DNAI2: variants seen among roughly 807,000 people sequenced by gnomAD.
DNAI2 encodes the protein dynein axonemal intermediate chain 2.
In DNAI2, 63 loss-of-function variants were observed where a neutral mutation model predicts 74.7. The ratio of observed to expected loss-of-function variants is 0.84; its 90% CI spans 0.69 to 1.04. DNAI2 has a LOEUF of 1.04. Among genes scored for constraint, DNAI2 ranks in the 50% least tolerant of loss-of-function variants. DNAI2 has a pLI of 0.00. For synonymous variants in DNAI2, 289 were observed against 314.9 expected, an observed-to-expected ratio of 0.92 and a Z score of 0.87; for missense variants, 688 against 803.2, an observed-to-expected ratio of 0.86 and a Z score of 1.73.
chr17:74,282,014 C>T lies in DNAI2; in HGVS notation c.183+14C>T, dbSNP rs1278958838. Reference sequence around the variant, plus strand: ...TCGGAACACGAGGTGGGTCCCTGCCCCAAGGGCCCTGGCCTGTCAGGTGTG... The same window carrying T: ...TCGGAACACGAGGTGGGTCCCTGCCTCAAGGGCCCTGGCCTGTCAGGTGTG... On this transcript the variant is annotated intron_variant, in intron 2 of 13. Coordinates refer to ENST00000311014, the MANE Select transcript of DNAI2 (RefSeq NM_023036.6). 3.7e-6 allele frequency: 6 copies of T among 1,613,562 alleles called. No individual in the cohort carries two copies. The African/African-American group carries it at 6.7e-5, about 18-fold the overall frequency.
intron 6 of DNAI2, among the ~76,000 whole-genome samples, chr17:74,291,843 G>T (rs1466102040): frequency 6.6e-6 from 1 of 151,350 alleles, no homozygotes; most frequent in Admixed American, 6.6e-5. Flanking sequence ...TTCCCTTCTG[G>T]AAGTTTGTGA....
chr17:74,279,997 T>C lies in DNAI2; in HGVS notation c.-11-1810T>C, dbSNP rs189489092. 2.0e-5 allele frequency among the ~76,000 whole-genome samples: 3 copies of C among 152,284 alleles called. No homozygotes were observed. The East Asian group carries it at 5.8e-4, about 29-fold the overall frequency. ...ATCCTCAATCTGAGCCCCTGGAAAC[T>C]TGCTATCAAAGGCACAATTTCTGAA... On this transcript the variant is annotated intron_variant, in intron 1 of 13. Coordinates refer to ENST00000311014, the MANE Select transcript of DNAI2 (RefSeq NM_023036.6).
At chr17:74,314,346 G>T (rs1265855118) in intron 13 of DNAI2, 75 bp downstream of exon 13, 6 of 1,557,520 alleles carry the variant, frequency 3.9e-6, no homozygotes, top group African/African-American at 1.4e-5. Context: ...TGGGAGCATC[G>T]GGCCCTGACT....
chr17:74,288,697 T>C (rs1292621054), intron 4 of DNAI2, among the ~76,000 whole-genome samples: 2 of 151,976 alleles, frequency 1.3e-5, no homozygotes, highest in Non-Finnish European at 2.9e-5. Context: ...GGGAGAAGCC[T>C]GGGGAAGAAG....
At chr17:74,289,384 A>G (rs1374308712) in intron 4 of DNAI2, among the ~76,000 whole-genome samples, 1 of 152,068 alleles carries the variant, frequency 6.6e-6, no homozygotes, top group East Asian at 1.9e-4. Context: ...AAAATTAGCC[A>G]GGCGTGGTGG....
intron 7 of DNAI2, 74 bp downstream of exon 7, chr17:74,299,931 C>A (rs2052664904): frequency 1.9e-6 from 3 of 1,593,408 alleles, no homozygotes; most frequent in Non-Finnish European, 1.7e-6. Context: ...CCCATCAGAA[C>A]CCCTGGGGAC....
Position 74,300,644 on chromosome 17 carries a change from C to T in DNAI2, c.865-402C>T, listed in dbSNP as rs2144032204. 6.6e-6 allele frequency among the ~76,000 whole-genome samples: 1 copy of T among 152,324 alleles called. No individual in the cohort carries two copies. Among genetic ancestry groups the T allele is most frequent in the African/African-American group, 2.4e-5 (1 of 41,582 alleles). On this transcript the variant is annotated intron_variant, in intron 7 of 13. Coordinates refer to ENST00000311014, the MANE Select transcript of DNAI2 (RefSeq NM_023036.6). The surrounding 1 kb of genome is among the most constrained non-coding windows in gnomAD (Gnocchi z 4.5). Reference sequence around the variant, plus strand: ...GCATCTTTATACACAGATTGTTGCACACATGCGGGGATATATCTACAGCAG... The same window carrying T: ...GCATCTTTATACACAGATTGTTGCATACATGCGGGGATATATCTACAGCAG...
intron 1 of DNAI2, among the ~76,000 whole-genome samples, chr17:74,279,515 C>T (rs2051276040): frequency 6.6e-6 from 1 of 152,110 alleles, no homozygotes; most frequent in African/African-American, 2.4e-5. Flanking sequence ...AACCTGCTCA[C>T]AGGCAAACCT....
chr17:74,289,388 G>A (rs921924331), intron 4 of DNAI2, among the ~76,000 whole-genome samples: 8 of 152,144 alleles, frequency 5.3e-5, no homozygotes, highest in African/African-American at 1.2e-4. Context: ...TTAGCCAGGC[G>A]TGGTGGTGTG....
intron 8 of DNAI2, among the ~76,000 whole-genome samples, chr17:74,304,477 T>C (rs1184151834): frequency 6.6e-6 from 1 of 152,066 alleles, no homozygotes; most frequent in African/African-American, 2.4e-5. Context: ...GCCCAGAAGT[T>C]AAGACAGAAC....
intron 9 of DNAI2, among the ~76,000 whole-genome samples, chr17:74,306,731 C>A (rs997350228): frequency 2.0e-5 from 3 of 152,216 alleles, no homozygotes; most frequent in South Asian, 2.1e-4. Context: ...GATTCTCCTG[C>A]CTTATCCTCC....
At chr17:74,302,507 C>A (rs750564140) in intron 8 of DNAI2, among the ~76,000 whole-genome samples, 1 of 151,758 alleles carries the variant, frequency 6.6e-6, no homozygotes, top group African/African-American at 2.4e-5. Context: ...GCGGGGGTTG[C>A]GGTGAGCCAA....
chr17:74,305,085 C>A, intron 8 of DNAI2, 134 bp from the exon 9 acceptor site: 1 of 887,432 alleles, frequency 1.1e-6, no homozygotes, highest in Non-Finnish European at 1.8e-6. Context: ...GGAGGGGCCA[C>A]AGCCCTTGCC....
chr17:74,299,684 C>G, intron 6 of DNAI2, 34 bp from the exon 7 acceptor site: 5 of 1,612,790 alleles, frequency 3.1e-6, no homozygotes, highest in Non-Finnish European at 4.2e-6. Context: ...GCCTGTGCCC[C>G]CTTCCACTCC....
rs2053569243 is a variant in DNAI2 at position 74,312,231 on chromosome 17, G to A, written c.1722+1G>A. On this transcript the variant is annotated splice_donor_variant, in intron 12 of 13. Coordinates refer to ENST00000311014, the MANE Select transcript of DNAI2 (RefSeq NM_023036.6). LOFTEE classifies it high-confidence loss of function. The stretch of plus-strand genomic sequence containing the variant: ...CGCCATAAAGCTGACGCCAGTGCCT[G>A]TAGGGGCCTGGACAGGGGTTGGGTG... 2.6e-6 allele frequency: 4 copies of A among 1,523,846 alleles called. No individual in the cohort carries two copies. The highest frequency in any genetic ancestry group is 3.6e-6 in the Non-Finnish European group (4 of 1,125,140). 94.4% of individuals were successfully genotyped at this position (1,523,846 alleles called of 1,614,324 possible). A position where few individuals can be genotyped will look rare whatever the true frequency, so the allele number is the denominator to read the frequency against.
chr17:74,306,115 T>TTGGG (rs2144082960), intron 9 of DNAI2, among the ~76,000 whole-genome samples: 2 of 152,338 alleles, frequency 1.3e-5, no homozygotes, highest in South Asian at 4.1e-4. Flanking sequence ...GGAGCCGAGA[T>TTGGG]TGGGTGTGAA....
rs538263899 is a variant in DNAI2, at chr17:74,312,333, T to G, written c.1722+103T>G. 51 of 833,534 alleles carry G rather than the reference T, an allele frequency of 6.1e-5. No individual in the cohort carries two copies. In the African/African-American group the frequency reaches 6.4e-4, roughly 10 times the overall value. 51.6% of individuals were successfully genotyped at this position (833,534 alleles called of 1,614,324 possible). A position where few individuals can be genotyped will look rare whatever the true frequency, so the allele number is the denominator to read the frequency against. ...GACTTCCTGGGTGACCTTGAGCAAG[T>G]AGTCTTACCTGCTAGATCTTAATTT... On this transcript the variant is annotated intron_variant, in intron 12 of 13. Transcript: ENST00000311014.
At chr17:74,275,556 C>A (rs1454003751) in intron 1 of DNAI2, among the ~76,000 whole-genome samples, 1 of 152,160 alleles carries the variant, frequency 6.6e-6, no homozygotes, top group Non-Finnish European at 1.5e-5. Context: ...GAAACCCCAT[C>A]TTTACTAAAA....
intron 12 of DNAI2, chr17:74,313,732 G>C (rs1217498114): frequency 3.8e-6 from 1 of 261,430 alleles, no homozygotes; most frequent in Non-Finnish European, 7.7e-6. Context: ...TGGTCACAAA[G>C]TACCGCGTGG....
Sources: gnomAD v4.1 joint callset for allele counts (sites outside exome capture counted in the v4.1 genomes callset) on GRCh38, gnomAD v4.1.1 for gene constraint, Gnocchi (gnomAD v3.1) non-coding constraint, MANE v1.5 for transcripts, NCBI Gene and HGNC (gene_info 2026-07-23, HGNC 2026-07-21) for gene names.